The following RANBP9 variants were observed in gnomAD, a reference collection of about 807,000 sequenced individuals.
RANBP9 encodes the protein ran-binding protein 9.
RANBP9 carries 15 observed loss-of-function variants against 84.3 expected under a neutral mutation model. The ratio of observed to expected loss-of-function variants is 0.18; its 90% CI spans 0.12 to 0.27. The LOEUF (loss-of-function observed/expected upper bound fraction) is 0.27. RANBP9 is among the 10% of genes least tolerant of loss of function. The pLI, the probability that RANBP9 is intolerant of heterozygous loss-of-function variation, is 1.00. For missense variants in RANBP9, 809 were observed against 912.8 expected (o/e 0.89, Z 1.46); for synonymous variants, 392 against 349.6 (o/e 1.12, Z -1.35).
At chr6:13,630,769 A>G (rs1764759073) in intron 12 of RANBP9, among the ~76,000 whole-genome samples, 1 of 152,208 alleles carries the variant, frequency 6.6e-6, no homozygotes, top group Non-Finnish European at 1.5e-5. Context: ...ATGCGAATAC[A>G]GCTCACCTAT....
chr6:13,653,577 A>G (rs942048856), intron 4 of RANBP9, among the ~76,000 whole-genome samples: 1 of 152,144 alleles, frequency 6.6e-6, no homozygotes, highest in African/African-American at 2.4e-5. Flanking sequence ...CTTGATCACT[A>G]TCTTAAAACT....
Position 13,639,708 on chromosome 6 carries a change from T to A in RANBP9, c.1380A>T (p.Val460=), listed in dbSNP as rs373645400. ...TTGGACTTCGGCCTCCCAAACATCGTACTTCACTATCTGTACCATTCACCA... is the reference window on the plus strand; with the variant it reads ...TTGGACTTCGGCCTCCCAAACATCGAACTTCACTATCTGTACCATTCACCA... ...IEMVNGTDSE[V]RCLGGRSPKS... The change falls in exon 9 of 14, where the codon GTA becomes GTT. Residue 460 remains valine, a synonymous_variant. Transcript: ENST00000011619. 1 of 1,614,128 alleles carries A rather than the reference T, an allele frequency of 6.2e-7. No homozygotes were observed. Among genetic ancestry groups the A allele is most frequent in the Non-Finnish European group, 8.5e-7 (1 of 1,180,002 alleles).
Position 13,642,561 on chromosome 6 carries a change from C to T in RANBP9, c.1143G>A (p.Gly381=). 1 of 1,610,256 alleles carries T rather than the reference C, an allele frequency of 6.2e-7. No homozygotes were observed. Among genetic ancestry groups the T allele is most frequent in the Non-Finnish European group, 8.5e-7 (1 of 1,177,496 alleles). ...KMVSSYLVHH[G]YCATAEAFAR... is the part of the protein sequence containing the mutation. Reference sequence around the variant, plus strand: ...CAAAGGCCTCTGCTGTGGCACAGTACCCATGGTGGACTAAATAAGATGAAA... The same window carrying T: ...CAAAGGCCTCTGCTGTGGCACAGTATCCATGGTGGACTAAATAAGATGAAA... The change falls in exon 7 of 14, where the codon GGG becomes GGA. Residue 381 remains glycine (G), a synonymous_variant. Transcript: ENST00000011619.
chr6:13,704,554 C>T (rs1177957759), intron 1 of RANBP9, among the ~76,000 whole-genome samples: 3 of 151,992 alleles, frequency 2.0e-5, no homozygotes, highest in African/African-American at 4.8e-5. Context: ...TCACTTGAGC[C>T]CAGGAGGCAG....
intron 7 of RANBP9, among the ~76,000 whole-genome samples, chr6:13,641,633 A>C (rs1765066254): frequency 1.3e-5 from 2 of 152,182 alleles, no homozygotes; most frequent in African/African-American, 4.8e-5. Flanking sequence ...AAAATGCCTT[A>C]TCAAACATAA....
chr6:13,658,099 C>T (rs937915309), intron 3 of RANBP9, among the ~76,000 whole-genome samples: 4 of 152,066 alleles, frequency 2.6e-5, no homozygotes, highest in African/African-American at 9.7e-5. Flanking sequence ...TCATCTCTTC[C>T]TTAGTTTACT....
intron 1 of RANBP9, among the ~76,000 whole-genome samples, chr6:13,710,196 A>G (rs1758237773): frequency 6.6e-6 from 1 of 152,164 alleles, no homozygotes; most frequent in Non-Finnish European, 1.5e-5. Context: ...AACATAAGCC[A>G]ATTTTCTTCA....
At chr6:13,632,996 T>A (rs1476601309) in intron 11 of RANBP9, among the ~76,000 whole-genome samples, 2 of 152,010 alleles carry the variant, frequency 1.3e-5, no homozygotes, top group Non-Finnish European at 2.9e-5. Flanking sequence ...CTGAAAAGAT[T>A]AAATGCACTA....
intron 1 of RANBP9, among the ~76,000 whole-genome samples, chr6:13,701,306 A>G (rs1264943524): frequency 6.6e-6 from 1 of 152,222 alleles, no homozygotes; most frequent in Non-Finnish European, 1.5e-5. Flanking sequence ...AGCCACTGCT[A>G]TGAACTAATG....
Position 13,711,562 on chromosome 6 carries a change from T to C in RANBP9, c.-57A>G. ...ACCTCTTCTCTCCTTCCTCCTCTGC[T>C]TCCCGGGGGCGCTGTCGCTGCGGCC... On this transcript the variant is annotated 5_prime_UTR_variant, in exon 1 of 14. Coordinates refer to ENST00000011619, the MANE Select transcript of RANBP9 (RefSeq NM_005493.3). 1 of 1,212,724 alleles carries C rather than the reference T, an allele frequency of 8.2e-7. No individual in the cohort carries two copies. 75.1% of individuals were successfully genotyped at this position (1,212,724 alleles called of 1,614,324 possible).
intron 2 of RANBP9, among the ~76,000 whole-genome samples, chr6:13,666,840 T>G (rs943974938): frequency 1.3e-5 from 2 of 151,970 alleles, no homozygotes; most frequent in African/African-American, 4.8e-5. Context: ...ACACCTAAGT[T>G]TATGCCTGGG....
chr6:13,678,573 A>C (rs1765952427), intron 2 of RANBP9, among the ~76,000 whole-genome samples: 1 of 152,194 alleles, frequency 6.6e-6, no homozygotes, highest in Admixed American at 6.5e-5. Flanking sequence ...AGAGTCAGGT[A>C]CCAGGCAATT....
At position 13,711,771 on chromosome 6, in the gene RANBP9, A is replaced by ACGCGGGAG. The variant is rs1190099394; in HGVS notation, c.-274_-267dup. ...GGACGAGGCGCCGAGGGCGGGGGCGACGCGGGAGCGCGGGAGGGGAAGGCG... is the reference window on the plus strand; with the variant it reads ...GGACGAGGCGCCGAGGGCGGGGGCGACGCGGGAGCGCGGGAGCGCGGGAGGGGAAGGCG... On this transcript the variant is annotated 5_prime_UTR_variant, in exon 1 of 14. Coordinates refer to ENST00000011619, the MANE Select transcript of RANBP9 (RefSeq NM_005493.3). Among the ~76,000 whole-genome samples the ACGCGGGAG allele has an allele frequency of 7.6e-5, 11 of 145,688 alleles. No homozygotes were observed. The highest frequency in any genetic ancestry group is 2.7e-4 in the African/African-American group (11 of 40,328).
At chr6:13,631,909 T>C in intron 12 of RANBP9, among the ~76,000 whole-genome samples, 1 of 152,036 alleles carries the variant, frequency 6.6e-6, no homozygotes, top group East Asian at 1.9e-4. Context: ...CTTCACTAAT[T>C]CCCATCAAAA....
intron 5 of RANBP9, among the ~76,000 whole-genome samples, chr6:13,645,926 A>G (rs143581002): frequency 7.7e-4 from 117 of 152,362 alleles, no homozygotes; most frequent in African/African-American, 2.5e-3. Context: ...CAGAAACAAA[A>G]TATTACATCA....
intron 2 of RANBP9, among the ~76,000 whole-genome samples, chr6:13,692,552 A>AC (rs1766351316): frequency 6.8e-6 from 1 of 147,114 alleles, no homozygotes; most frequent in African/African-American, 2.5e-5. Flanking sequence ...AAAAAAAAAA[A>AC]AACACAAAAA....
At chr6:13,645,494 T>C (rs766822410) in intron 5 of RANBP9, among the ~76,000 whole-genome samples, 5 of 152,200 alleles carry the variant, frequency 3.3e-5, no homozygotes, top group African/African-American at 4.8e-5. Context: ...TGTCACTAAT[T>C]GGTTGTTACA....
intron 2 of RANBP9, among the ~76,000 whole-genome samples, chr6:13,666,614 A>G (rs1765655247): frequency 6.8e-6 from 1 of 147,452 alleles, no homozygotes; most frequent in East Asian, 2.0e-4. Context: ...AAAAAAAAAA[A>G]AAAAAAAAAA....
chr6:13,634,331 A>G lies in RANBP9; in HGVS notation c.1795+100T>C, dbSNP rs573725429. On this transcript the variant is annotated intron_variant, in intron 11 of 13. Transcript: ENST00000011619. ...CAAGTCCTACAGCACATACATCTTT[A>G]AATCTGGTTTATGCTCATCAGCTGT... 6.7e-5 allele frequency: 94 copies of G among 1,394,996 alleles called. 2 individuals are homozygous for G. The South Asian group carries it at 1.2e-3, about 18-fold the overall frequency. 86.4% of individuals were successfully genotyped at this position (1,394,996 alleles called of 1,614,324 possible).
Sources: gnomAD v4.1 joint callset for allele counts (sites outside exome capture counted in the v4.1 genomes callset) on GRCh38, gnomAD v4.1.1 for gene constraint, MANE v1.5 for transcripts, NCBI Gene and HGNC (gene_info 2026-07-23, HGNC 2026-07-21) for gene names.